The following CLN6 variants were observed in gnomAD, a reference collection of about 807,000 sequenced individuals.
CLN6 encodes the protein ceroid-lipofuscinosis neuronal protein 6.
Under a neutral mutation model 33.3 loss-of-function variants are expected in CLN6, and 22 were observed. The ratio of observed to expected loss-of-function variants is 0.66; its 90% confidence interval spans 0.47 to 0.94. The LOEUF is 0.94. CLN6 is among the 40% of genes least tolerant of loss of function. The pLI, the probability that CLN6 is intolerant of heterozygous loss-of-function variation, is 0.00. For synonymous variants in CLN6, 201 were observed against 174.6 expected (o/e 1.15, Z -1.19); for missense variants, 387 against 417.1 (o/e 0.93, Z 0.63).
intron 1 of CLN6, among the ~76,000 whole-genome samples, chr15:68,221,536 AT>A (rs2093235995): frequency 6.6e-6 from 1 of 151,886 alleles, no homozygotes; most frequent in African/African-American, 2.4e-5. Context: ...TCAATGCTCA[AT>A]GTTGCCCAGG....
upstream of CLN6, chr15:68,229,743 C>CCGGGG (rs1411951551): frequency 6.5e-4 from 208 of 319,962 alleles, 2 homozygotes; most frequent in East Asian, 6.8e-3. Context: ...GGCTGCGGAC[C>CCGGGG]CGGGGCGGGG....
rs2093263179 is a variant in CLN6 at position 68,229,649 on chromosome 15, C to T, written c.-65G>A. On this transcript the variant is annotated 5_prime_UTR_variant, in exon 1 of 7. Coordinates refer to ENST00000249806, the MANE Select transcript of CLN6 (RefSeq NM_017882.3). ...AGAGACCGGTTCAGCTCGGCTGCCC[C>T]GGCGGAGGCCGCCGCAAATTCCCAG... 3.9e-6 allele frequency: 5 copies of T among 1,293,108 alleles called. No individual in the cohort carries two copies. The highest frequency in any genetic ancestry group is 5.0e-6 in the Non-Finnish European group (5 of 994,710). The allele number at this position is 1,293,108 out of a possible 1,614,324, so 80.1% of individuals were successfully genotyped here.
Position 68,229,703 on chromosome 15 carries a change from G to C in CLN6, c.-119C>G, listed in dbSNP as rs940544866. ...GGGGCGGTTCGGGGCGGGCCGGCGA[G>C]AGCGCGCGGCCCTCGGGAGGAACAG... On this transcript the variant is annotated 5_prime_UTR_variant, in exon 1 of 7. Coordinates refer to ENST00000249806, the MANE Select transcript of CLN6 (RefSeq NM_017882.3). 2 of 745,772 alleles carry C rather than the reference G, an allele frequency of 2.7e-6. No individual in the cohort carries two copies. The highest frequency in any genetic ancestry group is 3.8e-6 in the Non-Finnish European group (2 of 532,330). The allele number at this position is 745,772 out of a possible 1,614,324, so 46.2% of individuals were successfully genotyped here.
Position 68,209,153 on chromosome 15 carries a change from A to G in CLN6, c.665+484T>C, listed in dbSNP as rs1352753194. Among the ~76,000 whole-genome samples, 1 of 152,148 alleles carries G rather than the reference A, an allele frequency of 6.6e-6. No individual in the cohort carries two copies. Among genetic ancestry groups the G allele is most frequent in the Non-Finnish European group, 1.5e-5 (1 of 68,020 alleles). On this transcript the variant is annotated intron_variant, in intron 6 of 6. Transcript: ENST00000249806. The surrounding 1 kb of genome is among the most constrained non-coding windows in gnomAD (Gnocchi z 4.9). The stretch of plus-strand genomic sequence containing the variant: ...CAAAGACCCAAGGCCAGAAGCCCCT[A>G]CGCCATGAAACCCCCCAGTCTGGCC...
At chr15:68,234,669 C>G (rs1892201359), upstream of CLN6, among the ~76,000 whole-genome samples, 1 of 152,090 alleles carries the variant, frequency 6.6e-6, no homozygotes, top group African/African-American at 2.4e-5. This position sits in a 1 kb window ranked among gnomAD's most constrained non-coding sequence, Gnocchi z 4.1. Context: ...GCTCCCAGAG[C>G]CCTCCACTCT....
Position 68,228,191 on chromosome 15 carries a change from G to A in CLN6, c.83+1311C>T, listed in dbSNP as rs2093257814. Among the ~76,000 whole-genome samples, 1 of 152,184 alleles carries A rather than the reference G, an allele frequency of 6.6e-6. No homozygotes were observed. The highest frequency in any genetic ancestry group is 2.4e-5 in the African/African-American group (1 of 41,442). On this transcript the variant is annotated intron_variant, in intron 1 of 6. Coordinates refer to ENST00000249806, the MANE Select transcript of CLN6 (RefSeq NM_017882.3). The surrounding 1 kb of genome is among the most constrained non-coding windows in gnomAD (Gnocchi z 4.4). ...TAAGTGAAAACGGACACAGTCCGCA[G>A]CTGCTCAGCCCGCATGTCCGCAGCA...
At chr15:68,212,245 T>G (rs1259373152) in intron 3 of CLN6, 1 of 234,868 alleles carries the variant, frequency 4.3e-6, no homozygotes, top group African/African-American at 2.3e-5. Flanking sequence ...CCCAGCCTGC[T>G]GAAGGCACCT....
intron 1 of CLN6, 133 bp downstream of exon 1, chr15:68,229,369 C>A (rs562359438): frequency 1.6e-6 from 1 of 610,220 alleles, no homozygotes; most frequent in Non-Finnish European, 2.5e-6. Context: ...CCAAGCCCCC[C>A]GCGCTCCGCT....
In CLN6 at chr15:68,209,504, CAAG is replaced by C. The variant is rs1370960207; in HGVS notation, c.665+130_665+132del. 73 of 1,282,112 alleles carry C rather than the reference CAAG, an allele frequency of 5.7e-5. No individual in the cohort carries two copies. Among genetic ancestry groups the C allele is most frequent in the Non-Finnish European group, 7.7e-5 (69 of 898,194 alleles). The allele number at this position is 1,282,112 out of a possible 1,614,324, so 79.4% of individuals were successfully genotyped here. A position where few individuals can be genotyped will look rare whatever the true frequency, so the allele number is the denominator to read the frequency against. On this transcript the variant is annotated intron_variant, in intron 6 of 6. Coordinates refer to ENST00000249806, the MANE Select transcript of CLN6 (RefSeq NM_017882.3). The surrounding 1 kb of genome is among the most constrained non-coding windows in gnomAD (Gnocchi z 4.9). ...GCATTGTCACAGTCCCCACTAGACA[CAAG>C]AAGAAGCACGGGCCCAAAGAGGGCC...
chr15:68,243,934 G>A lies in CLN6; in HGVS notation c.179+12756C>T, dbSNP rs901569943. 5.1e-4 allele frequency among the ~76,000 whole-genome samples: 76 copies of A among 149,526 alleles called. 1 individual carries two copies. Among genetic ancestry groups the A allele is most frequent in the Admixed American group, 4.6e-3 (69 of 14,996 alleles). ...AAAAAAATTAGCCGGGCCTGGTGGC[G>A]GGCGCCTATAGTCCCAGCTACTCGG... On this transcript the variant is annotated intron_variant, in intron 1 of 6. Coordinates refer to the CLN6 transcript ENST00000538696.
At chr15:68,223,363 G>A (rs2093243225) in intron 1 of CLN6, among the ~76,000 whole-genome samples, 1 of 152,160 alleles carries the variant, frequency 6.6e-6, no homozygotes, top group Admixed American at 6.6e-5. Context: ...TGGACAGATA[G>A]CCAGTAACCC....
At position 68,211,283 on chromosome 15, in the gene CLN6, CTCA is replaced by C. The variant is rs916824303; in HGVS notation, c.519_521del (p.Asp173del). 6.2e-7 allele frequency: 1 copy of C among 1,613,888 alleles called. No homozygotes were observed. Among genetic ancestry groups the C allele is most frequent in the African/African-American group, 1.3e-5 (1 of 74,894 alleles). On this transcript the variant is annotated inframe_deletion, in exon 5 of 7. Coordinates refer to ENST00000249806, the MANE Select transcript of CLN6 (RefSeq NM_017882.3). The surrounding 1 kb of genome is among the most constrained non-coding windows in gnomAD (Gnocchi z 5.9). Reference sequence around the variant, plus strand: ...CTCACCACATGCAGTGACCCAGGTACTCATCATAATAGTAGAGCAGCTCAAAGG... The same window carrying C: ...CTCACCACATGCAGTGACCCAGGTACTCATAATAGTAGAGCAGCTCAAAGG...
At chr15:68,235,756 A>C (rs907715683) in intron 1 of CLN6, among the ~76,000 whole-genome samples, 1 of 152,028 alleles carries the variant, frequency 6.6e-6, no homozygotes, top group African/African-American at 2.4e-5. Context: ...GCAAATGTAC[A>C]TGCTATTTGG....
chr15:68,242,979 G>A lies in CLN6; in HGVS notation c.179+13711C>T, dbSNP rs1018771981. Among the ~76,000 whole-genome samples, 7 of 152,168 alleles carry A rather than the reference G, an allele frequency of 4.6e-5. No individual in the cohort carries two copies. The highest frequency in any genetic ancestry group is 1.2e-4 in the African/African-American group (5 of 41,428). On this transcript the variant is annotated intron_variant, in intron 1 of 6. Transcript: ENST00000538696. This position sits in a 1 kb window ranked among gnomAD's most constrained non-coding sequence, Gnocchi z 5.0. ...TCACTAAAAATAAAAGTTGCTAAGC[G>A]TTAACATTGTAATATGTAGTTGAGA... is the stretch of plus-strand genomic sequence containing the variant.
chr15:68,245,018 G>A (rs1476066725), intron 1 of CLN6, among the ~76,000 whole-genome samples: 1 of 109,692 alleles, frequency 9.1e-6, no homozygotes, highest in African/African-American at 3.9e-5. Context: ...TTGGATGACA[G>A]AGCAAGACTC....
chr15:68,229,572 G>T lies in CLN6; in HGVS notation c.13C>A (p.Arg5=), dbSNP rs886285802. 30 of 1,467,140 alleles carry T rather than the reference G, an allele frequency of 2.0e-5. No homozygotes were observed. In the East Asian group the frequency reaches 8.8e-4, roughly 43 times the overall value. 90.9% of individuals were successfully genotyped at this position (1,467,140 alleles called of 1,614,324 possible). ...GTCGCTCCCAGGTGCTGCCGCCTCC[G>T]CGTCGCCTCCATGGCTGCCCCGCAG... is the stretch of plus-strand genomic sequence containing the variant. The part of the protein sequence containing the change: MEAT[R]RRQHLGATGG... Residue 5 remains arginine, a synonymous_variant, in exon 1 of 7, where the codon CGG becomes AGG. Transcript: ENST00000249806.
chr15:68,244,797 T>A (rs2141163779), intron 1 of CLN6, among the ~76,000 whole-genome samples: 1 of 152,194 alleles, frequency 6.6e-6, no homozygotes, highest in East Asian at 1.9e-4. Context: ...GCACAGTGGT[T>A]CATGCCAGCA....
chr15:68,216,928 G>A (rs2093221965), intron 2 of CLN6, among the ~76,000 whole-genome samples: 1 of 152,166 alleles, frequency 6.6e-6, no homozygotes, highest in African/African-American at 2.4e-5. Flanking sequence ...AGAATGCCTG[G>A]GCAGATGCTG....
chr15:68,226,881 T>C (rs956864379), intron 1 of CLN6, among the ~76,000 whole-genome samples: 5 of 152,080 alleles, frequency 3.3e-5, no homozygotes, highest in Admixed American at 6.5e-5. Context: ...TATTTGGAAA[T>C]AGGAATTTGA....
Sources: gnomAD v4.1 joint callset for allele counts (sites outside exome capture counted in the v4.1 genomes callset) on GRCh38, gnomAD v4.1.1 for gene constraint, Gnocchi (gnomAD v3.1) non-coding constraint, MANE v1.5 for transcripts, NCBI Gene and HGNC (gene_info 2026-07-23, HGNC 2026-07-21) for gene names.